Variants in EDDM13 observed in about 807,000 individuals in gnomAD.
EDDM13 encodes epididymal protein 13.
EDDM13 carries 24 observed loss-of-function variants against 17.8 expected under a neutral mutation model. The ratio of observed to expected loss-of-function variants is 1.35; its 90% CI spans 0.98 to 1.90. The LOEUF is 1.90. Ranked by LOEUF, EDDM13 falls within the 40% of genes most tolerant of loss-of-function variation. The probability of loss-of-function intolerance (pLI) is 0.00; values close to 1 mark genes in which losing one functional copy is unlikely to be tolerated. For missense variants in EDDM13, 97 were observed against 100.8 expected (o/e 0.96, Z 0.16); for synonymous variants, 31 against 37.5 (o/e 0.83, Z 0.63).
At chr19:56,296,044 G>C (rs778230586) in intron 10 of EDDM13, 77 bp downstream of exon 10, 1 of 152,532 alleles carries the variant, frequency 6.6e-6, no homozygotes, top group African/African-American at 2.4e-5. Context: ...GGGCTGGGCA[G>C]GGTGGTGGAA....
In EDDM13 at chr19:56,304,202, C is replaced by A. The variant is rs552393461; in HGVS notation, c.424-591C>A. Among the ~76,000 whole-genome samples, 213 of 152,202 alleles carry A rather than the reference C, an allele frequency of 1.4e-3. 2 individuals carry two copies. Among genetic ancestry groups the A allele is most frequent in the Non-Finnish European group, 6.9e-4 (47 of 68,002 alleles). On this transcript the variant is annotated intron_variant, in intron 13 of 14. Transcript: ENST00000649256. ...CGACCAGCCAGCGCAGGGGACCTGG[C>A]GGTGCTCATGGAGATGAGAGCCGTG...
intron 14 of EDDM13, among the ~76,000 whole-genome samples, chr19:56,307,520 T>G (rs1167098708): frequency 1.3e-5 from 2 of 152,152 alleles, no homozygotes; most frequent in Non-Finnish European, 2.9e-5. Flanking sequence ...TGAAGTGAGG[T>G]GATGAGATTT....
At chr19:56,309,704 G>A (rs1396390788) in intron 14 of EDDM13, among the ~76,000 whole-genome samples, 1 of 152,186 alleles carries the variant, frequency 6.6e-6, no homozygotes, top group African/African-American at 2.4e-5. Context: ...GCCCAGCCAG[G>A]CCTGGGCAGT....
chr19:56,290,378 A>G (rs1448866352), intron 8 of EDDM13, among the ~76,000 whole-genome samples: 1 of 152,242 alleles, frequency 6.6e-6, no homozygotes, highest in African/African-American at 2.4e-5. Context: ...GACTGGGGCC[A>G]TGTGGCCTGC....
intron 3 of EDDM13, 92 bp downstream of exon 3, chr19:56,281,790 A>C (rs1296919220): frequency 1.4e-6 from 1 of 734,820 alleles, no homozygotes; most frequent in Admixed American, 6.3e-5. Context: ...AAAACTGCTG[A>C]CGATCACATT....
rs998971297 is a variant in EDDM13, at chr19:56,272,768, C to T, written c.-67C>T. The T allele has an allele frequency of 6.5e-6, 4 of 612,566 alleles. No homozygotes were observed. The highest frequency in any genetic ancestry group is 8.2e-6 in the Non-Finnish European group (4 of 489,378). 37.9% of individuals were successfully genotyped at this position (612,566 alleles called of 1,614,324 possible). ...GTTTTGTCCCTGGAGCCTGGGAAGA[C>T]GGTGGGTGACCAGAGAGTCCTGTCT... On this transcript the variant is annotated 5_prime_UTR_variant, in exon 1 of 15. The change creates a new upstream start codon in the 5' untranslated region. Transcript: ENST00000649256.
At chr19:56,280,018 G>A (rs1454534648) in intron 2 of EDDM13, among the ~76,000 whole-genome samples, 1 of 152,020 alleles carries the variant, frequency 6.6e-6, no homozygotes, top group African/African-American at 2.4e-5. Flanking sequence ...AGGTTATACT[G>A]GAAAAAACTC....
chr19:56,296,545 G>A (rs2039888527), intron 11 of EDDM13, 183 bp downstream of exon 11: 2 of 151,994 alleles, frequency 1.3e-5, no homozygotes, highest in Admixed American at 1.3e-4. Context: ...ACTGATGTTA[G>A]CTCTCCTGTA....
intron 11 of EDDM13, 90 bp from the exon 12 acceptor site, chr19:56,297,415 C>T (rs2039950053): frequency 6.2e-6 from 2 of 322,974 alleles, no homozygotes; most frequent in Non-Finnish European, 8.9e-6. Context: ...TCCTCTTCCT[C>T]TTCCTCCCTC....
Position 56,303,512 on chromosome 19 carries a change from AGGAG to A in EDDM13, c.424-1263_424-1260del, listed in dbSNP as rs776776713. Among the ~76,000 whole-genome samples the A allele has an allele frequency of 2.1e-4, 28 of 133,134 alleles. No homozygotes were observed. The East Asian group carries it at 2.6e-3, about 12-fold the overall frequency. The allele number at this position is 133,134 out of a possible 152,430, so 87.3% of individuals were successfully genotyped here. On this transcript the variant is annotated intron_variant, in intron 13 of 14. Coordinates refer to ENST00000649256, the MANE Select transcript of EDDM13 (RefSeq NM_001354658.2). Reference sequence around the variant, plus strand: ...AAAAAAAAAGAAGGAAAGGAAGGAAAGGAGGGAGGGAGGGAGGGAGGCAAGACGG... The same window carrying A: ...AAAAAAAAAGAAGGAAAGGAAGGAAAGGAGGGAGGGAGGGAGGCAAGACGG...
chr19:56,282,743 G>A (rs1041360183), intron 4 of EDDM13, among the ~76,000 whole-genome samples: 1 of 152,142 alleles, frequency 6.6e-6, no homozygotes, highest in East Asian at 1.9e-4. Context: ...TTCATGGTCC[G>A]CACATGGCTC....
chr19:56,304,072 G>C (rs888555195), intron 13 of EDDM13, among the ~76,000 whole-genome samples: 3 of 152,176 alleles, frequency 2.0e-5, no homozygotes, highest in Non-Finnish European at 2.9e-5. Context: ...TCCCTTCTGA[G>C]TTATCAAAGG....
intron 13 of EDDM13, among the ~76,000 whole-genome samples, chr19:56,303,144 T>G (rs1437968503): frequency 1.3e-5 from 2 of 152,034 alleles, no homozygotes; most frequent in African/African-American, 2.4e-5. Flanking sequence ...AGAAACACCA[T>G]GTGCGAGACT....
In EDDM13 at chr19:56,302,114, G is replaced by T; in HGVS notation, c.423+19G>T. On this transcript the variant is annotated intron_variant, in intron 13 of 14. Transcript: ENST00000649256. ...GGACTGGGTAAGAAGAAGGCAGCAC[G>T]GAGGGGAGGAGTGTGAGGAGAGGAA... 8.1e-7 allele frequency: 1 copy of T among 1,230,780 alleles called. No homozygotes were observed. The allele number at this position is 1,230,780 out of a possible 1,614,324, so 76.2% of individuals were successfully genotyped here.
chr19:56,280,182 G>A (rs150494398), intron 2 of EDDM13, among the ~76,000 whole-genome samples: 14 of 152,242 alleles, frequency 9.2e-5, no homozygotes, highest in South Asian at 2.1e-4. Context: ...AAAAGACAGC[G>A]TATTATACAC....
intron 12 of EDDM13, among the ~76,000 whole-genome samples, chr19:56,298,447 C>T (rs2040020529): frequency 6.6e-6 from 1 of 151,890 alleles, no homozygotes; most frequent in Admixed American, 6.6e-5. Context: ...ACCATCCCAC[C>T]CAACATGATG....
intron 1 of EDDM13, 101 bp downstream of exon 1, chr19:56,273,020 ACTT>A: frequency 5.9e-6 from 2 of 339,024 alleles, no homozygotes; most frequent in Non-Finnish European, 8.4e-6. Context: ...AGTCTAACAG[ACTT>A]CTTCTTGCTT....
intron 12 of EDDM13, 130 bp downstream of exon 12, chr19:56,297,661 G>A: frequency 5.1e-6 from 2 of 395,386 alleles, no homozygotes; most frequent in Non-Finnish European, 6.9e-6. Context: ...TACCTGAGAG[G>A]CTGCCTTCCT....
chr19:56,304,687 G>A (rs770686178), intron 13 of EDDM13, 106 bp from the exon 14 acceptor site: 129 of 625,694 alleles, frequency 2.1e-4, no homozygotes, highest in Middle Eastern at 7.9e-4. Flanking sequence ...GGGAGGACGG[G>A]AAAGAAGCGA....
Sources: gnomAD v4.1 joint callset for allele counts (sites outside exome capture counted in the v4.1 genomes callset) on GRCh38, gnomAD v4.1.1 for gene constraint, MANE v1.5 for transcripts, NCBI Gene and HGNC (gene_info 2026-07-23, HGNC 2026-07-21) for gene names.